The following GPD1L variants were observed in gnomAD, a reference collection of about 807,000 sequenced individuals.
GPD1L encodes glycerol-3-phosphate dehydrogenase 1 like.
A neutral mutation model predicts 32.9 loss-of-function variants in GPD1L; 17 were observed. The observed-to-expected ratio is 0.52, with a 90% CI of 0.35 to 0.78. The LOEUF (loss-of-function observed/expected upper bound fraction) is 0.78, where lower values mean the gene tolerates loss of function less well. Among genes scored for constraint, GPD1L ranks in the 30% least tolerant of loss-of-function variants. GPD1L has a pLI of 0.01. For synonymous variants in GPD1L, 187 were observed against 165.9 expected (o/e 1.13, Z -0.98); for missense variants, 361 against 447.8 (o/e 0.81, Z 1.75).
intron 1 of GPD1L, among the ~76,000 whole-genome samples, chr3:32,120,131 A>G (rs1700388826): frequency 6.6e-6 from 1 of 152,174 alleles, no homozygotes. Flanking sequence ...CATGCCAGCC[A>G]ACATGGTGAA....
intron 5 of GPD1L, among the ~76,000 whole-genome samples, chr3:32,147,267 GA>G (rs1289122552): frequency 6.6e-6 from 1 of 152,190 alleles, no homozygotes; most frequent in Non-Finnish European, 1.5e-5. Context: ...TGGCTTGCTG[GA>G]TTTTTGTAAG....
intron 7 of GPD1L, among the ~76,000 whole-genome samples, chr3:32,164,336 T>G (rs1202893602): frequency 6.6e-6 from 1 of 152,186 alleles, no homozygotes; most frequent in African/African-American, 2.4e-5. Context: ...CCACAGGAAT[T>G]TATTCAACGA....
chr3:32,112,913 G>A lies in GPD1L; in HGVS notation c.47+6155G>A, dbSNP rs112035695. Among the ~76,000 whole-genome samples the A allele has an allele frequency of 2.8e-3, 429 of 152,252 alleles. 1 individual carries two copies. The highest frequency in any genetic ancestry group is 9.9e-3 in the African/African-American group (411 of 41,530). On this transcript the variant is annotated intron_variant, in intron 1 of 7. Transcript: ENST00000282541. The stretch of plus-strand genomic sequence containing the variant: ...CATAACTAAGATTTAGAGAAAACTT[G>A]CTTAAGTCAACAGTTAGTAGGTGGA...
At chr3:32,140,441 A>G (rs1392186413) in intron 4 of GPD1L, 75 bp downstream of exon 4, 2 of 1,493,682 alleles carry the variant, frequency 1.3e-6, no homozygotes, top group African/African-American at 2.8e-5. Flanking sequence ...CATTTCTGAT[A>G]TTTTCTGTAA....
At chr3:32,154,308 G>T (rs575001060) in intron 5 of GPD1L, among the ~76,000 whole-genome samples, 2 of 152,174 alleles carry the variant, frequency 1.3e-5, no homozygotes, top group African/African-American at 4.8e-5. Flanking sequence ...ATGCCCTGCA[G>T]TGAAGGGGCC....
chr3:32,161,781 G>A (rs1490317896), intron 7 of GPD1L, among the ~76,000 whole-genome samples: 4 of 152,186 alleles, frequency 2.6e-5, no homozygotes, highest in Non-Finnish European at 5.9e-5. Context: ...TATTTCTTCT[G>A]ATTAGAGATT....
intron 1 of GPD1L, among the ~76,000 whole-genome samples, chr3:32,116,822 C>T (rs1700338738): frequency 6.6e-6 from 1 of 152,152 alleles, no homozygotes; most frequent in African/African-American, 2.4e-5. Flanking sequence ...CCCGGTTAAC[C>T]CCTTAAGCAC....
intron 2 of GPD1L, among the ~76,000 whole-genome samples, chr3:32,136,322 T>C (rs1700659613): frequency 6.6e-6 from 1 of 152,220 alleles, no homozygotes; most frequent in Admixed American, 6.5e-5. Context: ...TAAGGAAGCA[T>C]CTGTTTCCCA....
intron 5 of GPD1L, among the ~76,000 whole-genome samples, chr3:32,153,847 A>C (rs1700952744): frequency 6.6e-6 from 1 of 151,768 alleles, no homozygotes; most frequent in African/African-American, 2.4e-5. Context: ...CATCCAACCC[A>C]CCCCTATTCA....
intron 1 of GPD1L, among the ~76,000 whole-genome samples, chr3:32,111,853 C>T (rs1424659830): frequency 2.6e-5 from 4 of 150,976 alleles, no homozygotes; most frequent in Non-Finnish European, 4.4e-5. Context: ...TGGCTGGGTG[C>T]AGCATCCTGG....
chr3:32,163,819 G>A (rs1575124250), intron 7 of GPD1L, among the ~76,000 whole-genome samples: 1 of 152,270 alleles, frequency 6.6e-6, no homozygotes, highest in Non-Finnish European at 1.5e-5. Flanking sequence ...TTAAAAGTTG[G>A]GAGTGCTTTC....
intron 2 of GPD1L, among the ~76,000 whole-genome samples, chr3:32,135,123 A>C (rs1004368743): frequency 9.9e-5 from 15 of 152,152 alleles, no homozygotes; most frequent in African/African-American, 3.4e-4. Flanking sequence ...TTTCCACTTC[A>C]CCATGTTGAA....
intron 1 of GPD1L, among the ~76,000 whole-genome samples, chr3:32,108,257 C>T (rs77157640): frequency 0.013 from 2,026 of 152,062 alleles, 51 homozygotes; most frequent in African/African-American, 0.047. Flanking sequence ...TGGTGGCTCA[C>T]GCTTGTAATC....
intron 5 of GPD1L, among the ~76,000 whole-genome samples, chr3:32,147,887 G>A (rs964301383): frequency 3.9e-5 from 6 of 152,072 alleles, no homozygotes; most frequent in Admixed American, 3.3e-4. Flanking sequence ...ATATATGTGT[G>A]GTCATGATAT....
intron 7 of GPD1L, among the ~76,000 whole-genome samples, chr3:32,160,624 G>A (rs1482681677): frequency 6.7e-6 from 1 of 148,966 alleles, no homozygotes; most frequent in Non-Finnish European, 1.5e-5. Flanking sequence ...ATAGATGGGT[G>A]AGTGGATGGG....
chr3:32,122,075 T>C (rs1700431880), intron 1 of GPD1L, among the ~76,000 whole-genome samples: 1 of 152,138 alleles, frequency 6.6e-6, no homozygotes, highest in Non-Finnish European at 1.5e-5. Flanking sequence ...AGCAGCACAG[T>C]TACATTTTTT....
At chr3:32,119,226 T>C (rs1354823037) in intron 1 of GPD1L, among the ~76,000 whole-genome samples, 1 of 152,246 alleles carries the variant, frequency 6.6e-6, no homozygotes, top group Non-Finnish European at 1.5e-5. Context: ...ATTTTACAAA[T>C]CTACAAACAG....
At chr3:32,131,987 G>A (rs1357450875) in intron 2 of GPD1L, among the ~76,000 whole-genome samples, 1 of 152,108 alleles carries the variant, frequency 6.6e-6, no homozygotes, top group African/African-American at 2.4e-5. Context: ...TGAGCATCTT[G>A]TGCTTATTGT....
intron 1 of GPD1L, among the ~76,000 whole-genome samples, chr3:32,122,811 C>G (rs1044077104): frequency 6.6e-6 from 1 of 152,200 alleles, no homozygotes; most frequent in African/African-American, 2.4e-5. Context: ...TAGGGTTAAA[C>G]ACATCATGCA....
Sources: gnomAD v4.1 joint callset for allele counts (sites outside exome capture counted in the v4.1 genomes callset) on GRCh38, gnomAD v4.1.1 for gene constraint, MANE v1.5 for transcripts, NCBI Gene and HGNC (gene_info 2026-07-23, HGNC 2026-07-21) for gene names.